The following KIF6 variants were observed in gnomAD, a reference collection of about 807,000 sequenced individuals.
The protein encoded by KIF6 is kinesin family member 6, also known as kinesin-like protein KIF6.
In KIF6, 106 loss-of-function variants were observed where a neutral mutation model predicts 112.7. The observed-to-expected ratio is 0.94, with a 90% CI of 0.80 to 1.11. The LOEUF (loss-of-function observed/expected upper bound fraction) is 1.11, where lower values mean the gene tolerates loss of function less well. Among genes scored for constraint, KIF6 ranks in the 50% least tolerant of loss-of-function variants. The pLI, the probability that KIF6 is intolerant of heterozygous loss-of-function variation, is 0.00. For synonymous variants in KIF6, 339 were observed against 339.9 expected (o/e 1.00, Z 0.03); for missense variants, 929 against 964.0 (o/e 0.96, Z 0.48).
At chr6:39,372,860 AT>A (rs1766129488) in intron 16 of KIF6, among the ~76,000 whole-genome samples, 1 of 152,098 alleles carries the variant, frequency 6.6e-6, no homozygotes, top group Non-Finnish European at 1.5e-5. Flanking sequence ...TGCACCCATC[AT>A]TTGTATTTCA....
intron 13 of KIF6, among the ~76,000 whole-genome samples, chr6:39,523,111 T>C (rs1294897856): frequency 6.6e-6 from 1 of 152,204 alleles, no homozygotes; most frequent in Non-Finnish European, 1.5e-5. Context: ...TCTTGGAAAA[T>C]GGCACTGTAT....
chr6:39,442,090 C>T (rs778260071), intron 13 of KIF6, among the ~76,000 whole-genome samples: 9 of 152,188 alleles, frequency 5.9e-5, no homozygotes, highest in East Asian at 5.8e-4. Context: ...ACACATCCCA[C>T]GGGCAACCCA....
At chr6:39,417,532 A>G (rs74714229) in intron 15 of KIF6, among the ~76,000 whole-genome samples, 1,839 of 152,334 alleles carry the variant, frequency 0.012, 34 homozygotes, top group African/African-American at 0.041. Flanking sequence ...CCCTTTGAAC[A>G]TGAATTATAA....
intron 13 of KIF6, among the ~76,000 whole-genome samples, chr6:39,505,192 A>G (rs1296800481): frequency 6.6e-6 from 1 of 152,038 alleles, no homozygotes; most frequent in East Asian, 1.9e-4. Flanking sequence ...CAGAAATAAG[A>G]CTGCATACCT....
chr6:39,518,379 T>C (rs979242814), intron 13 of KIF6, among the ~76,000 whole-genome samples: 2 of 152,232 alleles, frequency 1.3e-5, no homozygotes, highest in African/African-American at 4.8e-5. Flanking sequence ...TGTGTTATTA[T>C]ATCTGAGTTA....
At chr6:39,524,479 A>ATAAAGGTCGTATTCC (rs1010564321) in intron 13 of KIF6, among the ~76,000 whole-genome samples, 7 of 152,184 alleles carry the variant, frequency 4.6e-5, no homozygotes, top group Non-Finnish European at 1.0e-4. Flanking sequence ...CCCTTGAAGA[A>ATAAAGGTCGTATTCC]TAAAGGTCGT....
At chr6:39,603,517 A>T (rs527701966) in intron 6 of KIF6, among the ~76,000 whole-genome samples, 8 of 151,738 alleles carry the variant, frequency 5.3e-5, no homozygotes, top group African/African-American at 1.9e-4. Context: ...TTTGAAAATA[A>T]ATGGTGATGC....
chr6:39,571,879 C>T, intron 10 of KIF6, among the ~76,000 whole-genome samples: 1 of 151,442 alleles, frequency 6.6e-6, no homozygotes, highest in East Asian at 2.0e-4. Flanking sequence ...TTACCCCACC[C>T]CTCCCACCCT....
chr6:39,504,585 T>C (rs1353604613), intron 13 of KIF6, among the ~76,000 whole-genome samples: 1 of 152,220 alleles, frequency 6.6e-6, no homozygotes, highest in Non-Finnish European at 1.5e-5. Flanking sequence ...GACATGATCC[T>C]ATATCTGGAA....
chr6:39,417,644 C>T (rs533537999), intron 15 of KIF6, among the ~76,000 whole-genome samples: 1 of 152,274 alleles, frequency 6.6e-6, no homozygotes, highest in Non-Finnish European at 1.5e-5. Context: ...AGCCCCCAAC[C>T]TGCCTAATCT....
chr6:39,342,399 T>C lies in KIF6; in HGVS notation c.2428+1310A>G, dbSNP rs981120605. Among the ~76,000 whole-genome samples, 1 of 152,194 alleles carries C rather than the reference T, an allele frequency of 6.6e-6. No homozygotes were observed. The highest frequency in any genetic ancestry group is 2.4e-5 in the African/African-American group (1 of 41,448). On this transcript the variant is annotated intron_variant, in intron 22 of 22. Coordinates refer to ENST00000287152, the MANE Select transcript of KIF6 (RefSeq NM_145027.6). This position sits in a 1 kb window ranked among gnomAD's most constrained non-coding sequence, Gnocchi z 4.7. ...GTCTGTCTCCTTCCTCCCCCTAGAA[T>C]GTCAGTTTCTCACGTGCTGGGTTCT...
At chr6:39,613,472 C>G (rs1158934767) in intron 5 of KIF6, among the ~76,000 whole-genome samples, 154 bp from the exon 6 acceptor site, 1 of 152,152 alleles carries the variant, frequency 6.6e-6, no homozygotes, top group Admixed American at 6.6e-5. Context: ...GGATTAGAAT[C>G]AAACACTGAC....
chr6:39,698,356 A>T (rs567241036), intron 3 of KIF6, among the ~76,000 whole-genome samples: 1 of 152,354 alleles, frequency 6.6e-6, no homozygotes, highest in Admixed American at 6.5e-5. Flanking sequence ...GATACTGCCT[A>T]GTTGTAACAT....
At chr6:39,670,647 C>T (rs1442265340) in intron 3 of KIF6, among the ~76,000 whole-genome samples, 2 of 151,924 alleles carry the variant, frequency 1.3e-5, no homozygotes, top group Non-Finnish European at 2.9e-5. Flanking sequence ...TAAATAGGAT[C>T]CTCCGCACAG....
intron 13 of KIF6, among the ~76,000 whole-genome samples, chr6:39,513,076 C>G (rs773395995): frequency 6.6e-6 from 1 of 152,174 alleles, no homozygotes; most frequent in Non-Finnish European, 1.5e-5. Context: ...ACAGATGATT[C>G]TAACCCAGGT....
chr6:39,509,151 G>T (rs1776619385), intron 13 of KIF6, among the ~76,000 whole-genome samples: 1 of 152,154 alleles, frequency 6.6e-6, no homozygotes, highest in Admixed American at 6.5e-5. Context: ...TCTGTTAGAA[G>T]GAAAACTAAC....
chr6:39,538,232 A>G (rs538994691), intron 13 of KIF6, among the ~76,000 whole-genome samples: 2,714 of 151,552 alleles, frequency 0.018, 28 homozygotes, highest in Non-Finnish European at 0.027. Context: ...TAATTAAACT[A>G]AAGAGCTTCT....
At chr6:39,460,536 TAA>T (rs759528125) in intron 13 of KIF6, among the ~76,000 whole-genome samples, 597 of 57,066 alleles carry the variant, frequency 0.01, 7 homozygotes, top group African/African-American at 0.036. Flanking sequence ...AAAAAAAAAG[TAA>T]AAAAAAAAAA....
At chr6:39,538,333 T>C (rs1284108999) in intron 13 of KIF6, among the ~76,000 whole-genome samples, 1 of 151,760 alleles carries the variant, frequency 6.6e-6, no homozygotes, top group Non-Finnish European at 1.5e-5. Context: ...AGAGGGCTAA[T>C]ATCCAGAATC....
Sources: allele counts gnomAD v4.1 joint callset (sites outside exome capture counted in the v4.1 genomes callset), GRCh38; gene constraint gnomAD v4.1.1; non-coding constraint Gnocchi (gnomAD v3.1); transcripts MANE v1.5; gene names NCBI Gene and HGNC (gene_info 2026-07-23, HGNC 2026-07-21).